CNTNAP2: variants seen among roughly 807,000 people sequenced by gnomAD.
CNTNAP2 encodes the protein contactin-associated protein-like 2.
In CNTNAP2, 98 loss-of-function variants were observed where a neutral mutation model predicts 155.2. That is an observed-to-expected ratio of 0.63 (90% CI 0.54 to 0.75). The LOEUF is 0.75. CNTNAP2 is among the 30% of genes least tolerant of loss of function. The probability of loss-of-function intolerance (pLI) is 0.00; values close to 1 mark genes in which losing one functional copy is unlikely to be tolerated. For missense variants in CNTNAP2, 1,727 were observed against 1,688.1 expected (o/e 1.02, Z -0.40); for synonymous variants, 651 against 631.2 (o/e 1.03, Z -0.47).
chr7:146,404,787 T>C (rs764590529), intron 1 of CNTNAP2, among the ~76,000 whole-genome samples: 3 of 152,032 alleles, frequency 2.0e-5, no homozygotes, highest in Non-Finnish European at 4.4e-5. Context: ...GAGTTGGCCT[T>C]GGGCTTCAAA....
At chr7:148,120,177 G>T (rs920908058) in intron 16 of CNTNAP2, among the ~76,000 whole-genome samples, 5 of 146,888 alleles carry the variant, frequency 3.4e-5, no homozygotes, top group African/African-American at 1.3e-4. Context: ...GTAAAGCCAC[G>T]CCTGGGTAAG....
intron 14 of CNTNAP2, among the ~76,000 whole-genome samples, chr7:147,972,183 A>C (rs1164145610): frequency 6.6e-6 from 1 of 152,168 alleles, no homozygotes; most frequent in Non-Finnish European, 1.5e-5. Context: ...TATAACTTTG[A>C]CTTCCTGAAT....
intron 21 of CNTNAP2, among the ~76,000 whole-genome samples, chr7:148,329,172 C>T (rs1288775091): frequency 2.6e-5 from 4 of 152,094 alleles, no homozygotes; most frequent in Non-Finnish European, 1.5e-5. Flanking sequence ...CTTGGGGATT[C>T]TCTGGTGTTT....
chr7:146,406,234 G>A (rs1468619081), intron 1 of CNTNAP2, among the ~76,000 whole-genome samples: 3 of 152,114 alleles, frequency 2.0e-5, no homozygotes, highest in African/African-American at 7.2e-5. Flanking sequence ...ATATGCAGTG[G>A]TGACCTTAGG....
rs563756413 is a variant in CNTNAP2 at position 147,318,651 on chromosome 7, C to T, written c.1498+18361C>T. On this transcript the variant is annotated intron_variant, in intron 9 of 23. Transcript: ENST00000361727. ...GACACAGGGAGGGGAACATCACACA[C>T]TGGGGCCTATCGGGAGGTGGGGGGC... 8.6e-5 allele frequency among the ~76,000 whole-genome samples: 13 copies of T among 151,818 alleles called. No individual in the cohort carries two copies. The East Asian group carries it at 2.3e-3, about 27-fold the overall frequency.
At chr7:146,634,127 C>T (rs1432155012) in intron 1 of CNTNAP2, among the ~76,000 whole-genome samples, 3 of 152,164 alleles carry the variant, frequency 2.0e-5, no homozygotes, top group African/African-American at 7.2e-5. Context: ...TTCTGGTACA[C>T]ACTGGTACAC....
chr7:146,869,729 A>T (rs1795269772), intron 3 of CNTNAP2, among the ~76,000 whole-genome samples: 1 of 152,128 alleles, frequency 6.6e-6, no homozygotes, highest in African/African-American at 2.4e-5. Context: ...GGTAGGAAGC[A>T]TCCGTCATGG....
At chr7:146,161,646 G>C (rs1345713913) in intron 1 of CNTNAP2, among the ~76,000 whole-genome samples, 1 of 152,154 alleles carries the variant, frequency 6.6e-6, no homozygotes, top group African/African-American at 2.4e-5. Context: ...TTTCTTCACA[G>C]AATTGGAAAA....
chr7:147,595,562 G>A (rs944807953), intron 12 of CNTNAP2, among the ~76,000 whole-genome samples: 2 of 152,180 alleles, frequency 1.3e-5, no homozygotes, highest in African/African-American at 4.8e-5. Context: ...TTGAAATAAT[G>A]TATTCGATGG....
intron 10 of CNTNAP2, among the ~76,000 whole-genome samples, chr7:147,403,283 T>C (rs1796949205): frequency 2.0e-5 from 3 of 152,216 alleles, no homozygotes. Context: ...GGAACCAACA[T>C]ACATCTTACA....
At chr7:147,237,049 CTTTTTTTTTTTTTTTTTTTTTT>C (rs548220734) in intron 8 of CNTNAP2, among the ~76,000 whole-genome samples, 1 of 57,484 alleles carries the variant, frequency 1.7e-5, no homozygotes, top group Non-Finnish European at 3.4e-5. Flanking sequence ...TTCACCTCCT[CTTTTTTTTTTTTTTTTTTTTTT>C]TTTTTTTTTT....
At chr7:146,941,337 A>T (rs993426411) in intron 3 of CNTNAP2, among the ~76,000 whole-genome samples, 2 of 152,124 alleles carry the variant, frequency 1.3e-5, no homozygotes, top group African/African-American at 4.8e-5. Context: ...TTTTAAGCAA[A>T]AGCAACTTAT....
At chr7:148,055,475 A>G (rs1020692150) in intron 15 of CNTNAP2, among the ~76,000 whole-genome samples, 5 of 152,148 alleles carry the variant, frequency 3.3e-5, no homozygotes, top group African/African-American at 1.2e-4. Flanking sequence ...TCTGTCATTT[A>G]CCAAATCTGT....
At chr7:148,125,266 G>C (rs999975782) in intron 16 of CNTNAP2, among the ~76,000 whole-genome samples, 3 of 151,550 alleles carry the variant, frequency 2.0e-5, no homozygotes, top group Non-Finnish European at 4.4e-5. Context: ...CTCTCTCTCT[G>C]TCTCTCTTTT....
chr7:147,775,279 T>A (rs1222144080), intron 13 of CNTNAP2, among the ~76,000 whole-genome samples: 5 of 100,634 alleles, frequency 5.0e-5, no homozygotes, highest in African/African-American at 1.6e-4. Context: ...ATATATATAT[T>A]TATAAATATA....
At chr7:146,568,416 G>T (rs1388863357) in intron 1 of CNTNAP2, among the ~76,000 whole-genome samples, 1 of 152,148 alleles carries the variant, frequency 6.6e-6, no homozygotes, top group African/African-American at 2.4e-5. Flanking sequence ...TAATACAAAG[G>T]AGCAGTTTCT....
intron 1 of CNTNAP2, among the ~76,000 whole-genome samples, chr7:146,578,867 C>T (rs763767197): frequency 2.6e-5 from 4 of 152,014 alleles, no homozygotes; most frequent in African/African-American, 4.8e-5. Context: ...TTTTAAATCC[C>T]TGCTCCATTA....
chr7:146,905,972 G>A (rs1389502153), intron 3 of CNTNAP2, among the ~76,000 whole-genome samples: 7 of 152,332 alleles, frequency 4.6e-5, no homozygotes, highest in South Asian at 2.1e-4. Flanking sequence ...GAAGCAGGGC[G>A]AGGCATTGCC....
chr7:147,242,618 C>A (rs1015867137), intron 8 of CNTNAP2, among the ~76,000 whole-genome samples: 2 of 152,086 alleles, frequency 1.3e-5, no homozygotes, highest in Non-Finnish European at 2.9e-5. Flanking sequence ...GCTGCCTGTA[C>A]CTCAAAGTTT....
Sources: allele counts gnomAD v4.1 joint callset (sites outside exome capture counted in the v4.1 genomes callset), GRCh38; gene constraint gnomAD v4.1.1; transcripts MANE v1.5; gene names NCBI Gene and HGNC (gene_info 2026-07-23, HGNC 2026-07-21).